Variants in KCNK12 observed in about 807,000 individuals in gnomAD.
KCNK12 encodes potassium two pore domain channel subfamily K member 12, also known as potassium channel subfamily K member 12.
In KCNK12, 6 loss-of-function variants were observed where a neutral mutation model predicts 25.3. The observed-to-expected ratio is 0.24, with a 90% CI of 0.13 to 0.47. KCNK12 has a LOEUF of 0.47. Ranked by LOEUF, KCNK12 falls within the 20% of genes least tolerant of loss-of-function variation. The pLI is 0.99. For synonymous variants in KCNK12, 331 were observed against 311.1 expected (o/e 1.06, Z -0.67); for missense variants, 444 against 661.7 (o/e 0.67, Z 3.61).
chr2:47,536,269 G>A (rs1477483709), intron 1 of KCNK12, among the ~76,000 whole-genome samples: 4 of 152,186 alleles, frequency 2.6e-5, no homozygotes, highest in African/African-American at 9.7e-5. Flanking sequence ...AGCTCACCAG[G>A]CATTTAACTG....
chr2:47,521,018 G>T lies in KCNK12; in HGVS notation c.1182C>A (p.Asn394Lys). 1 of 1,400,114 alleles carries T rather than the reference G, an allele frequency of 7.1e-7. No homozygotes were observed. Among genetic ancestry groups the T allele is most frequent in the South Asian group, 1.5e-5 (1 of 65,942 alleles). 86.7% of individuals were successfully genotyped at this position (1,400,114 alleles called of 1,614,324 possible). A position where few individuals can be genotyped will look rare whatever the true frequency, so the allele number is the denominator to read the frequency against. ...LLQKQLSETA[N>K]GYPRSVCVNT... Reference sequence around the variant, plus strand: ...TGACGCACACGCTGCGCGGGTAGCCGTTGGCCGTCTCCGACAGCTGCTTCT... The same window carrying T: ...TGACGCACACGCTGCGCGGGTAGCCTTTGGCCGTCTCCGACAGCTGCTTCT... The change falls in exon 2 of 2, where the codon AAC becomes AAA. Residue 394 changes from asparagine (N) to lysine (K), a missense_variant. By Grantham distance (94) the Asn-to-Lys change is moderately conservative (BLOSUM62 0). Coordinates refer to ENST00000327876, the MANE Select transcript of KCNK12 (RefSeq NM_022055.2).
At position 47,547,831 on chromosome 2, in the gene KCNK12, A is replaced by C. The variant is rs1669345070; in HGVS notation, c.391+22110T>G. 6.6e-6 allele frequency among the ~76,000 whole-genome samples: 1 copy of C among 152,042 alleles called. No individual in the cohort carries two copies. The highest frequency in any genetic ancestry group is 2.4e-5 in the African/African-American group (1 of 41,412). On this transcript the variant is annotated intron_variant, in intron 1 of 1. Transcript: ENST00000327876. The surrounding 1 kb of genome is among the most constrained non-coding windows in gnomAD (Gnocchi z 5.0). ...CAGGCTGGTCTCGAACTCCTACCAC[A>C]TATAAGTGGTTCTCACTCCTGGCTA... is the stretch of plus-strand genomic sequence containing the variant.
At chr2:47,541,815 T>C (rs886835778) in intron 1 of KCNK12, among the ~76,000 whole-genome samples, 1 of 152,132 alleles carries the variant, frequency 6.6e-6, no homozygotes, top group South Asian at 2.1e-4. Flanking sequence ...AGCCCCTTGA[T>C]CTTAGACTTC....
rs1328701339 is a variant in KCNK12 at position 47,512,647 on chromosome 2, T to C, written c.*8260A>G. ...TGGCTAAAGTGTGCTAATGGGATGATGTGCCCTTGTACACCCACTGCCTCT... is the reference window on the plus strand; with the variant it reads ...TGGCTAAAGTGTGCTAATGGGATGACGTGCCCTTGTACACCCACTGCCTCT... On this transcript the variant is annotated 3_prime_UTR_variant, in exon 2 of 2. Transcript: ENST00000327876. The C allele has an allele frequency of 1.8e-5, 10 of 556,418 alleles. No individual in the cohort carries two copies. Among genetic ancestry groups the C allele is most frequent in the Non-Finnish European group, 3.2e-5 (10 of 316,514 alleles). 34.5% of individuals were successfully genotyped at this position (556,418 alleles called of 1,614,324 possible). A position where few individuals can be genotyped will look rare whatever the true frequency, so the allele number is the denominator to read the frequency against.
chr2:47,554,489 G>A (rs1317482667), intron 1 of KCNK12, among the ~76,000 whole-genome samples: 1 of 152,200 alleles, frequency 6.6e-6, no homozygotes, highest in African/African-American at 2.4e-5. Context: ...AGAGCAGTGC[G>A]CCAGGCAGCA....
intron 1 of KCNK12, among the ~76,000 whole-genome samples, chr2:47,526,029 A>G (rs1245603456): frequency 6.6e-6 from 1 of 152,156 alleles, no homozygotes; most frequent in African/African-American, 2.4e-5. Flanking sequence ...TTAGAAGTGA[A>G]TTTGAAGATT....
In KCNK12 at chr2:47,548,710, A is replaced by C. The variant is rs73929213; in HGVS notation, c.391+21231T>G. Reference sequence around the variant, plus strand: ...GTCTATGAGATAATTATTTTCAGACATTGGAAAAAAGGTAGTTCAGGATTA... The same window carrying C: ...GTCTATGAGATAATTATTTTCAGACCTTGGAAAAAAGGTAGTTCAGGATTA... On this transcript the variant is annotated intron_variant, in intron 1 of 1. Transcript: ENST00000327876. The surrounding 1 kb of genome is among the most constrained non-coding windows in gnomAD (Gnocchi z 4.4). Among the ~76,000 whole-genome samples the C allele has an allele frequency of 1.3e-5, 2 of 152,244 alleles. No individual in the cohort carries two copies. Among genetic ancestry groups the C allele is most frequent in the African/African-American group, 2.4e-5 (1 of 41,468 alleles).
In KCNK12 at chr2:47,509,825, T is replaced by A. The variant is rs566855298; in HGVS notation, c.*11082A>T. On this transcript the variant is annotated 3_prime_UTR_variant, in exon 2 of 2. Coordinates refer to ENST00000327876, the MANE Select transcript of KCNK12 (RefSeq NM_022055.2). ...TCCAATTTGTGTAAGGCCAGGGGAC[T>A]TCCCCCCCACTCCCCAACCTGAGGC... Among the ~76,000 whole-genome samples the A allele has an allele frequency of 3.9e-5, 6 of 152,192 alleles. No individual in the cohort carries two copies. Among genetic ancestry groups the A allele is most frequent in the Non-Finnish European group, 8.8e-5 (6 of 68,024 alleles).
chr2:47,550,789 C>T lies in KCNK12; in HGVS notation c.391+19152G>A, dbSNP rs1230060474. Among the ~76,000 whole-genome samples, 3 of 152,110 alleles carry T rather than the reference C, an allele frequency of 2.0e-5. No individual in the cohort carries two copies. In the East Asian group the frequency reaches 5.8e-4, roughly 29 times the overall value. On this transcript the variant is annotated intron_variant, in intron 1 of 1. Transcript: ENST00000327876. ...AAAACCCCACACTTCAGTAAATATG[C>T]ATTTCTTTTCTGAAAGATATAATCA...
intron 1 of KCNK12, among the ~76,000 whole-genome samples, chr2:47,545,561 G>A (rs1312558850): frequency 6.6e-6 from 1 of 152,196 alleles, no homozygotes; most frequent in African/African-American, 2.4e-5. Flanking sequence ...AACTTTGTGG[G>A]GGAGTAGGGG....
chr2:47,527,063 T>C (rs1668796070), intron 1 of KCNK12, among the ~76,000 whole-genome samples: 1 of 152,202 alleles, frequency 6.6e-6, no homozygotes, highest in South Asian at 2.1e-4. Flanking sequence ...AGCTTGGAAA[T>C]GGTGGAGCCG....
rs1283198333 is a variant in KCNK12 at position 47,514,419 on chromosome 2, C to T, written c.*6488G>A. ...CTTTCTCACCCTTGTCTCTCCAGCC[C>T]CTAACACAGGGGATGCCTGACCCCA... is the stretch of plus-strand genomic sequence containing the variant. On this transcript the variant is annotated 3_prime_UTR_variant, in exon 2 of 2. Coordinates refer to ENST00000327876, the MANE Select transcript of KCNK12 (RefSeq NM_022055.2). The surrounding 1 kb of genome is among the most constrained non-coding windows in gnomAD (Gnocchi z 5.0). Among the ~76,000 whole-genome samples the T allele has an allele frequency of 1.3e-5, 2 of 152,196 alleles. No homozygotes were observed. Among genetic ancestry groups the T allele is most frequent in the Admixed American group, 6.5e-5 (1 of 15,290 alleles).
rs1010259866 is a variant in KCNK12, at chr2:47,515,637, G to C, written c.*5270C>G. ...GCTCAACAGGGTGGGGAGCCCAGGG[G>C]AGTGGGGAGTGATCGTATAGACAGA... On this transcript the variant is annotated 3_prime_UTR_variant, in exon 2 of 2. Transcript: ENST00000327876. 1.3e-5 allele frequency among the ~76,000 whole-genome samples: 2 copies of C among 152,196 alleles called. No homozygotes were observed. Among genetic ancestry groups the C allele is most frequent in the South Asian group, 4.1e-4 (2 of 4,824 alleles).
At position 47,560,567 on chromosome 2, in the gene KCNK12, G is replaced by C. The variant is rs1669642585; in HGVS notation, c.391+9374C>G. On this transcript the variant is annotated intron_variant, in intron 1 of 1. Transcript: ENST00000327876. The surrounding 1 kb of genome is among the most constrained non-coding windows in gnomAD (Gnocchi z 4.7). ...CAGCAGAGATCTTGAGCAGTCAGGAGCCGTGGATCCTCTATTCTGCCATTG... is the reference window on the plus strand; with the variant it reads ...CAGCAGAGATCTTGAGCAGTCAGGACCCGTGGATCCTCTATTCTGCCATTG... Among the ~76,000 whole-genome samples, 1 of 152,208 alleles carries C rather than the reference G, an allele frequency of 6.6e-6. No individual in the cohort carries two copies. Among genetic ancestry groups the C allele is most frequent in the East Asian group, 1.9e-4 (1 of 5,200 alleles).
chr2:47,566,283 G>GT lies in KCNK12; in HGVS notation c.391+3657dup, dbSNP rs1208212187. On this transcript the variant is annotated intron_variant, in intron 1 of 1. Coordinates refer to ENST00000327876, the MANE Select transcript of KCNK12 (RefSeq NM_022055.2). The surrounding 1 kb of genome is among the most constrained non-coding windows in gnomAD (Gnocchi z 4.1). ...AGGACAAACATTCTACTTCATTGTGGTGTTCCATGTAACCTTGAGTACACA... is the reference window on the plus strand; with the variant it reads ...AGGACAAACATTCTACTTCATTGTGGTTGTTCCATGTAACCTTGAGTACACA... 6.6e-6 allele frequency: 1 copy of GT among 152,104 alleles called. No individual in the cohort carries two copies. The highest frequency in any genetic ancestry group is 2.4e-5 in the African/African-American group (1 of 41,388). 9.4% of individuals were successfully genotyped at this position (152,104 alleles called of 1,614,324 possible).
rs994268582 is a variant in KCNK12, at chr2:47,569,761, C to T, written c.391+180G>A. On this transcript the variant is annotated intron_variant, in intron 1 of 1. Coordinates refer to ENST00000327876, the MANE Select transcript of KCNK12 (RefSeq NM_022055.2). The surrounding 1 kb of genome is among the most constrained non-coding windows in gnomAD (Gnocchi z 4.1). ...TGGGCTTTCTTCCCTCACTGAAAGC[C>T]GGGAGGGAGAGAGAGAGAGAGAACG... Among the ~76,000 whole-genome samples, 5 of 151,920 alleles carry T rather than the reference C, an allele frequency of 3.3e-5. No individual in the cohort carries two copies. The highest frequency in any genetic ancestry group is 1.2e-4 in the African/African-American group (5 of 41,342).
chr2:47,539,537 A>G (rs1195819699), intron 1 of KCNK12, among the ~76,000 whole-genome samples: 1 of 152,160 alleles, frequency 6.6e-6, no homozygotes. Context: ...GAGGCCACAA[A>G]CGCAGGAGAG....
Position 47,533,072 on chromosome 2 carries a change from G to A in KCNK12, c.392-11264C>T, listed in dbSNP as rs980683663. Among the ~76,000 whole-genome samples the A allele has an allele frequency of 6.6e-6, 1 of 152,068 alleles. No homozygotes were observed. Among genetic ancestry groups the A allele is most frequent in the African/African-American group, 2.4e-5 (1 of 41,400 alleles). On this transcript the variant is annotated intron_variant, in intron 1 of 1. Coordinates refer to ENST00000327876, the MANE Select transcript of KCNK12 (RefSeq NM_022055.2). This position sits in a 1 kb window ranked among gnomAD's most constrained non-coding sequence, Gnocchi z 4.7. ...GTCGCCCAGGCTGGAGTGCAGTGGT[G>A]TGATCTTGGCTCACTGCAACCTCCA...
Position 47,560,526 on chromosome 2 carries a change from C to T in KCNK12, c.391+9415G>A, listed in dbSNP as rs1237275946. Among the ~76,000 whole-genome samples the T allele has an allele frequency of 6.6e-6, 1 of 152,198 alleles. No individual in the cohort carries two copies. Among genetic ancestry groups the T allele is most frequent in the Admixed American group, 6.5e-5 (1 of 15,280 alleles). ...CTATGGTTCTTCCCCCTCTGTGGAA[C>T]TGCACAATTCAGAGACAGCAGAGAT... is the stretch of plus-strand genomic sequence containing the variant. On this transcript the variant is annotated intron_variant, in intron 1 of 1. Coordinates refer to ENST00000327876, the MANE Select transcript of KCNK12 (RefSeq NM_022055.2). The surrounding 1 kb of genome is among the most constrained non-coding windows in gnomAD (Gnocchi z 4.7).
Sources: gnomAD v4.1 joint callset for allele counts (sites outside exome capture counted in the v4.1 genomes callset) on GRCh38, gnomAD v4.1.1 for gene constraint, Gnocchi (gnomAD v3.1) non-coding constraint, MANE v1.5 for transcripts, NCBI Gene and HGNC (gene_info 2026-07-23, HGNC 2026-07-21) for gene names.